Variants in CAMK2D observed in about 807,000 individuals in gnomAD.
CAMK2D encodes calcium/calmodulin-dependent protein kinase type II subunit delta.
Under a neutral mutation model 84.0 loss-of-function variants are expected in CAMK2D, and 37 were observed. The observed-to-expected ratio is 0.44, with a 90% CI of 0.34 to 0.58. The LOEUF is 0.58. Among genes scored for constraint, CAMK2D ranks in the 20% least tolerant of loss-of-function variants. The probability of loss-of-function intolerance (pLI) is 0.02; values close to 1 mark genes in which losing one functional copy is unlikely to be tolerated. For missense variants in CAMK2D, 448 were observed against 652.5 expected, an observed-to-expected ratio of 0.69 and a Z score of 3.41; for synonymous variants, 202 against 212.5, an observed-to-expected ratio of 0.95 and a Z score of 0.43.
chr4:113,631,382 G>A (rs1018957489), intron 3 of CAMK2D, among the ~76,000 whole-genome samples: 1 of 152,154 alleles, frequency 6.6e-6, no homozygotes, highest in African/African-American at 2.4e-5. Flanking sequence ...ATAAAGCAAA[G>A]AAAATGTAGG....
intron 2 of CAMK2D, among the ~76,000 whole-genome samples, chr4:113,688,458 T>A (rs141421582): frequency 6.6e-6 from 1 of 152,238 alleles, no homozygotes; most frequent in African/African-American, 2.4e-5. Context: ...GTAACCTTCA[T>A]CTATTTACAA....
At chr4:113,654,495 A>C (rs1280319670) in intron 3 of CAMK2D, among the ~76,000 whole-genome samples, 2 of 152,032 alleles carry the variant, frequency 1.3e-5, no homozygotes, top group African/African-American at 4.8e-5. Context: ...TAAAATGTAA[A>C]GGCTTTCTCT....
intron 4 of CAMK2D, among the ~76,000 whole-genome samples, chr4:113,576,596 A>G (rs1053813693): frequency 4.6e-5 from 7 of 152,166 alleles, no homozygotes; most frequent in Admixed American, 6.6e-5. Context: ...AACTCGTATG[A>G]TTATTAATCT....
At chr4:113,491,468 C>T (rs2097843159) in intron 16 of CAMK2D, among the ~76,000 whole-genome samples, 1 of 151,432 alleles carries the variant, frequency 6.6e-6, no homozygotes, top group Admixed American at 6.6e-5. Flanking sequence ...TATATTGAAC[C>T]AGCCTTGCAT....
chr4:113,589,017 G>A (rs1375685557), intron 4 of CAMK2D, among the ~76,000 whole-genome samples: 1 of 152,154 alleles, frequency 6.6e-6, no homozygotes, highest in Admixed American at 6.5e-5. Flanking sequence ...GACCATGCAG[G>A]TTTCTGGGAG....
chr4:113,561,201 T>C (rs576455044), intron 4 of CAMK2D, among the ~76,000 whole-genome samples: 3 of 152,286 alleles, frequency 2.0e-5, no homozygotes, highest in East Asian at 1.9e-4. Flanking sequence ...ACTTACAAGA[T>C]AGGTGTGGTG....
chr4:113,629,403 T>C (rs2099080465), intron 3 of CAMK2D, among the ~76,000 whole-genome samples: 2 of 152,126 alleles, frequency 1.3e-5, no homozygotes, highest in South Asian at 4.1e-4. Flanking sequence ...GGTAAATTTC[T>C]GGTTTTTAAA....
chr4:113,545,383 T>A (rs2098558118), intron 6 of CAMK2D, among the ~76,000 whole-genome samples: 1 of 152,150 alleles, frequency 6.6e-6, no homozygotes, highest in Non-Finnish European at 1.5e-5. Flanking sequence ...AACATTTCTA[T>A]CGCACATCAA....
rs1248293531 is a variant in CAMK2D, at chr4:113,455,822, C to T, written c.1536-1G>A. On this transcript the variant is annotated splice_acceptor_variant, in intron 19 of 20. Coordinates refer to ENST00000511664, the MANE Select transcript of CAMK2D (RefSeq NM_001321571.2). LOFTEE classifies it high-confidence loss of function. ...TTTCCCATTTGGAATACAGGGTGGC[C>T]TATTAAGAGAAGCCCCATTTAAGCC... 1 of 1,597,440 alleles carries T rather than the reference C, an allele frequency of 6.3e-7. No homozygotes were observed. The highest frequency in any genetic ancestry group is 1.7e-4 in the Middle Eastern group (1 of 6,028).
At chr4:113,456,920 T>C (rs998186546) in intron 19 of CAMK2D, 2 of 169,782 alleles carry the variant, frequency 1.2e-5, no homozygotes. Context: ...AACTGAGCTT[T>C]AGGGGATCAT....
intron 8 of CAMK2D, among the ~76,000 whole-genome samples, chr4:113,519,041 A>G (rs2098323990): frequency 6.6e-6 from 1 of 151,564 alleles, no homozygotes; most frequent in Non-Finnish European, 1.5e-5. Flanking sequence ...CATACATCTA[A>G]TGAAAATGAT....
At chr4:113,492,268 T>C (rs61213410) in intron 16 of CAMK2D, among the ~76,000 whole-genome samples, 1 of 152,202 alleles carries the variant, frequency 6.6e-6, no homozygotes, top group Non-Finnish European at 1.5e-5. Context: ...TGCTTTCTCT[T>C]TTTGGCATTT....
rs1291554435 is a variant in CAMK2D, at chr4:113,761,638, C to A, written c.-570G>T. ...GAGCGTGCGCGCCCGAGGCCGGCTT[C>A]CCTCCGGCGGGCGGCAGCGGCTCCG... On this transcript the variant is annotated 5_prime_UTR_variant, in exon 1 of 21. Transcript: ENST00000511664. 4 of 985,028 alleles carry A rather than the reference C, an allele frequency of 4.1e-6. No individual in the cohort carries two copies. In the East Asian group the frequency reaches 4.6e-4, roughly 112 times the overall value. 61.0% of individuals were successfully genotyped at this position (985,028 alleles called of 1,614,324 possible).
At chr4:113,734,658 G>C (rs2099576830) in intron 2 of CAMK2D, among the ~76,000 whole-genome samples, 1 of 152,128 alleles carries the variant, frequency 6.6e-6, no homozygotes, top group Non-Finnish European at 1.5e-5. Context: ...CCAGCTGACA[G>C]CCTAGTTAGA....
chr4:113,482,389 G>A (rs1417532716), intron 16 of CAMK2D, among the ~76,000 whole-genome samples: 1 of 152,120 alleles, frequency 6.6e-6, no homozygotes, highest in African/African-American at 2.4e-5. Context: ...GACAAAGAAA[G>A]ACTAAGGATG....
chr4:113,732,611 C>T (rs1222566016), intron 2 of CAMK2D, among the ~76,000 whole-genome samples: 3 of 152,098 alleles, frequency 2.0e-5, no homozygotes, highest in East Asian at 1.9e-4. Context: ...TTTTAATCAG[C>T]GTGCATGAAT....
intron 4 of CAMK2D, among the ~76,000 whole-genome samples, chr4:113,603,771 T>TATATATATATATATATATATA (rs1561290012): frequency 6.9e-5 from 6 of 86,938 alleles, no homozygotes; most frequent in African/African-American, 2.8e-4. Flanking sequence ...TTTCTTGCTA[T>TATATATATATATATATATATA]TTTATATATA....
At chr4:113,670,717 A>C (rs7677849) in intron 2 of CAMK2D, among the ~76,000 whole-genome samples, 3,786 of 151,892 alleles carry the variant, frequency 0.025, 152 homozygotes, top group African/African-American at 0.084. Flanking sequence ...AGGACCCAGA[A>C]TGGAAACAAG....
intron 2 of CAMK2D, among the ~76,000 whole-genome samples, chr4:113,690,564 G>T (rs1463116528): frequency 1.3e-5 from 2 of 152,224 alleles, no homozygotes; most frequent in Middle Eastern, 3.4e-3. Context: ...ATTATTAAGA[G>T]CCAAAGTTGT....
Sources: allele counts gnomAD v4.1 joint callset (sites outside exome capture counted in the v4.1 genomes callset), GRCh38; gene constraint gnomAD v4.1.1; transcripts MANE v1.5; gene names NCBI Gene and HGNC (gene_info 2026-07-23, HGNC 2026-07-21).